HTR2C: variants seen among roughly 807,000 people sequenced by gnomAD.
The protein encoded by HTR2C is 5-hydroxytryptamine receptor 2C.
A neutral mutation model predicts 21.0 loss-of-function variants in HTR2C; 5 were observed. The observed-to-expected ratio is 0.24, with a 90% CI of 0.12 to 0.50. The LOEUF (loss-of-function observed/expected upper bound fraction) is 0.50, where lower values mean the gene tolerates loss of function less well. Ranked by LOEUF, HTR2C falls within the 20% of genes least tolerant of loss-of-function variation. The probability of loss-of-function intolerance (pLI) is 0.98; values close to 1 mark genes in which losing one functional copy is unlikely to be tolerated. For missense variants in HTR2C, 271 were observed against 371.2 expected (o/e 0.73, Z 2.22); for synonymous variants, 150 against 145.3 (o/e 1.03, Z -0.23).
At chrX:114,726,049 C>G (rs1216494292) in intron 2 of HTR2C, among the ~76,000 whole-genome samples, 5 of 111,988 alleles carry the variant, frequency 4.5e-5, no homozygotes, top group South Asian at 3.7e-4. Context: ...CCACCCAGTT[C>G]GAGCTTCCGG....
At chrX:114,697,407 G>A (rs1486679303) in intron 2 of HTR2C, among the ~76,000 whole-genome samples, 1 of 112,138 alleles carries the variant, frequency 8.9e-6, no homozygotes, top group East Asian at 2.8e-4. Flanking sequence ...ATTCAGACTT[G>A]TTCAAATCCA....
intron 4 of HTR2C, among the ~76,000 whole-genome samples, chrX:114,809,443 G>A (rs1180761745): frequency 1.9e-5 from 2 of 106,553 alleles, no homozygotes; most frequent in African/African-American, 6.8e-5. Context: ...GAGTGCAGTG[G>A]CGCGATCTCG....
At chrX:114,694,230 A>C (rs1457383615) in intron 2 of HTR2C, among the ~76,000 whole-genome samples, 8 of 110,586 alleles carry the variant, frequency 7.2e-5, no homozygotes, top group African/African-American at 2.0e-4. Context: ...AGGAAGAATA[A>C]ATTTTATTCC....
rs797027656 is a variant in HTR2C, at chrX:114,834,773, G to A, written c.350-13230G>A. Among the ~76,000 whole-genome samples the A allele has an allele frequency of 1.6e-3, 172 of 105,068 alleles. 5 individuals are homozygous for A. In the South Asian group the frequency reaches 0.039, roughly 24 times the overall value. 91.2% of individuals were successfully genotyped at this position (105,068 alleles called of 115,157 possible). A position where few individuals can be genotyped will look rare whatever the true frequency, so the allele number is the denominator to read the frequency against. ...ATGATGTTAGCTGGGTATTTTGCTCGTTAGTTGATGCAGTTTCTTCCTAGT... is the reference window on the plus strand; with the variant it reads ...ATGATGTTAGCTGGGTATTTTGCTCATTAGTTGATGCAGTTTCTTCCTAGT... On this transcript the variant is annotated intron_variant, in intron 4 of 5. Coordinates refer to ENST00000276198, the MANE Select transcript of HTR2C (RefSeq NM_000868.4).
intron 3 of HTR2C, among the ~76,000 whole-genome samples, chrX:114,727,360 G>T (rs1343940571): frequency 9.0e-6 from 1 of 111,613 alleles, no homozygotes; most frequent in African/African-American, 3.3e-5. Context: ...AATAGTTGAG[G>T]TAGGAAAAGA....
At chrX:114,711,566 C>T (rs979018600) in intron 2 of HTR2C, among the ~76,000 whole-genome samples, 3 of 111,674 alleles carry the variant, frequency 2.7e-5, no homozygotes, top group Non-Finnish European at 5.7e-5. Context: ...GTATATAGAA[C>T]ATTACCAAGC....
intron 1 of HTR2C, among the ~76,000 whole-genome samples, chrX:114,595,271 G>A (rs1448825201): frequency 9.0e-6 from 1 of 110,960 alleles, no homozygotes; most frequent in South Asian, 3.9e-4. Flanking sequence ...AGGCTGGAGT[G>A]CAGTCATGCG....
At chrX:114,594,933 G>A (rs1284054146) in intron 1 of HTR2C, among the ~76,000 whole-genome samples, 1 of 111,376 alleles carries the variant, frequency 9.0e-6, no homozygotes, top group African/African-American at 3.3e-5. Context: ...ATAGCTGAAA[G>A]GGTTTAATAA....
intron 4 of HTR2C, among the ~76,000 whole-genome samples, chrX:114,813,992 T>C (rs1326643010): frequency 9.0e-6 from 1 of 111,240 alleles, no homozygotes; most frequent in Non-Finnish European, 1.9e-5. Flanking sequence ...CAAGGAGTAA[T>C]TAACTCTGTG....
chrX:114,777,798 T>C (rs1250734316), intron 4 of HTR2C, among the ~76,000 whole-genome samples: 1 of 111,712 alleles, frequency 9.0e-6, no homozygotes, highest in Non-Finnish European at 1.9e-5. Context: ...CCTCAGGTGA[T>C]CCACCTGCCT....
chrX:114,901,444 A>C (rs1556485240), intron 5 of HTR2C, among the ~76,000 whole-genome samples: 1 of 111,899 alleles, frequency 8.9e-6, no homozygotes, highest in Non-Finnish European at 1.9e-5. Flanking sequence ...TAGTTGTAAC[A>C]GCAGTAGTAG....
In HTR2C at chrX:114,731,217, T is replaced by C. The variant is rs188515348; in HGVS notation, c.36-77T>C. ...ATGACAATGATCCATGAAGAAGCAG[T>C]TGTTTTGCATGAGCAACGTATTGTG... On this transcript the variant is annotated intron_variant, in intron 3 of 5. Transcript: ENST00000276198. 1.5e-4 allele frequency: 92 copies of C among 628,548 alleles called. 1 individual carries two copies. The African/African-American group carries it at 1.9e-3, about 13-fold the overall frequency. The allele number at this position is 628,548 out of a possible 1,213,427, so 51.8% of individuals were successfully genotyped here.
intron 5 of HTR2C, among the ~76,000 whole-genome samples, chrX:114,863,380 TC>T (rs1173104008): frequency 9.0e-6 from 1 of 111,662 alleles, no homozygotes; most frequent in Admixed American, 9.5e-5. Context: ...TTTTTTAGTT[TC>T]CCTTTTGACC....
chrX:114,683,470 T>C (rs782087345), intron 2 of HTR2C, among the ~76,000 whole-genome samples: 4 of 110,787 alleles, frequency 3.6e-5, no homozygotes, highest in African/African-American at 1.3e-4. Flanking sequence ...TCATCATCCA[T>C]AAAACTTAGG....
intron 5 of HTR2C, among the ~76,000 whole-genome samples, chrX:114,876,794 T>C (rs1334380155): frequency 1.8e-5 from 2 of 110,997 alleles, no homozygotes; most frequent in Admixed American, 9.6e-5. Flanking sequence ...TAACACTTGG[T>C]CATGGTGTAT....
rs781999515 is a variant in HTR2C at position 114,741,613 on chromosome X, TAA to T, written c.349+10019_349+10020del. Reference sequence around the variant, plus strand: ...AGTGAACATAGAATAATGGAAACATTAAAAAAAAAAAAAACCCACAGGAGCCA... The same window carrying T: ...AGTGAACATAGAATAATGGAAACATTAAAAAAAAAAAACCCACAGGAGCCA... On this transcript the variant is annotated intron_variant, in intron 4 of 5. Coordinates refer to ENST00000276198, the MANE Select transcript of HTR2C (RefSeq NM_000868.4). Among the ~76,000 whole-genome samples the T allele has an allele frequency of 8.5e-3, 599 of 70,212 alleles. 15 individuals are homozygous for T. Among genetic ancestry groups the T allele is most frequent in the Admixed American group, 0.067 (364 of 5,457 alleles). 61.0% of individuals were successfully genotyped at this position (70,212 alleles called of 115,157 possible). A position where few individuals can be genotyped will look rare whatever the true frequency, so the allele number is the denominator to read the frequency against.
intron 2 of HTR2C, among the ~76,000 whole-genome samples, chrX:114,621,035 C>A (rs1556401606): frequency 2.7e-5 from 3 of 111,938 alleles, no homozygotes; most frequent in Non-Finnish European, 3.8e-5. Flanking sequence ...CGTGCGCCAC[C>A]ATGCCTGGCT....
chrX:114,616,389 CA>C (rs1443451857), intron 2 of HTR2C, among the ~76,000 whole-genome samples: 1 of 110,303 alleles, frequency 9.1e-6, no homozygotes, highest in Admixed American at 9.8e-5. Context: ...CGGGTTCAAG[CA>C]ATTCTCCTGC....
intron 4 of HTR2C, among the ~76,000 whole-genome samples, chrX:114,785,054 G>T (rs376489328): frequency 8.9e-6 from 1 of 111,970 alleles, no homozygotes; most frequent in Non-Finnish European, 1.9e-5. Context: ...AGATGGACAT[G>T]AATTTGAAGG....
Sources: allele counts gnomAD v4.1 joint callset (sites outside exome capture counted in the v4.1 genomes callset), GRCh38; gene constraint gnomAD v4.1.1; transcripts MANE v1.5; gene names NCBI Gene and HGNC (gene_info 2026-07-23, HGNC 2026-07-21).